The following RNF168 variants were observed in gnomAD, a reference collection of about 807,000 sequenced individuals.
RNF168 encodes ring finger protein 168.
In RNF168, 34 loss-of-function variants were observed where a neutral mutation model predicts 34.9. The observed-to-expected ratio is 0.97, with a 90% CI of 0.74 to 1.30. The LOEUF (loss-of-function observed/expected upper bound fraction) is 1.30, where lower values mean the gene tolerates loss of function less well. Ranked by LOEUF, RNF168 falls within the 50% of genes most tolerant of loss-of-function variation. The pLI is 0.00. For missense variants in RNF168, 725 were observed against 682.5 expected (o/e 1.06, Z -0.69); for synonymous variants, 264 against 254.7 (o/e 1.04, Z -0.35).
chr3:196,491,912 C>T (rs984063970), intron 1 of RNF168, among the ~76,000 whole-genome samples: 4 of 152,126 alleles, frequency 2.6e-5, no homozygotes, highest in African/African-American at 7.2e-5. Flanking sequence ...GGGTTCCACT[C>T]GTACGAGACA....
intron 1 of RNF168, among the ~76,000 whole-genome samples, chr3:196,491,933 T>C (rs1256534942): frequency 1.3e-5 from 2 of 152,004 alleles, no homozygotes; most frequent in Admixed American, 6.6e-5. Context: ...CCTAGAGCAA[T>C]TAAACCCGTA....
chr3:196,471,867 G>A lies in RNF168; in HGVS notation c.1668C>T (p.Ser556=), dbSNP rs1732015117. The A allele has an allele frequency of 1.1e-5, 18 of 1,613,950 alleles. No homozygotes were observed. Among genetic ancestry groups the A allele is most frequent in the Middle Eastern group, 1.6e-4 (1 of 6,062 alleles). ...TCTGAAAAACACTTTTCTGTGAAAT[G>A]CTAGGCTGTAGGGAGTGAGCACTTT... ...VSKSAHSLQP[S]ISQKSVFQMF... is the part of the protein sequence containing the mutation. Residue 556 remains serine (S), a synonymous_variant, in exon 6 of 6, where the codon AGC becomes AGT. Coordinates refer to ENST00000318037, the MANE Select transcript of RNF168 (RefSeq NM_152617.4).
intron 4 of RNF168, among the ~76,000 whole-genome samples, chr3:196,483,344 A>T (rs190180527): frequency 6.6e-6 from 1 of 152,248 alleles, no homozygotes; most frequent in Admixed American, 6.5e-5. Flanking sequence ...CTGGCACCTG[A>T]CCCTGGAGGG....
intron 1 of RNF168, among the ~76,000 whole-genome samples, chr3:196,490,668 T>C (rs1325530796): frequency 6.6e-6 from 1 of 151,458 alleles, no homozygotes; most frequent in Non-Finnish European, 1.5e-5. Flanking sequence ...ACTTAAATAG[T>C]GGCATTGGAT....
Position 196,470,187 on chromosome 3 carries a change from C to G in RNF168, c.*1632G>C, listed in dbSNP as rs1323538743. On this transcript the variant is annotated 3_prime_UTR_variant, in exon 6 of 6. Transcript: ENST00000318037. ...CATCCTCATCTGGACCCATTTCTCACCACCCAATCAGTTTCAATGATCCAG... is the reference window on the plus strand; with the variant it reads ...CATCCTCATCTGGACCCATTTCTCAGCACCCAATCAGTTTCAATGATCCAG... 2 of 151,284 alleles carry G rather than the reference C, an allele frequency of 1.3e-5. No individual in the cohort carries two copies. Among genetic ancestry groups the G allele is most frequent in the South Asian group, 2.1e-4 (1 of 4,790 alleles). The allele number at this position is 151,284 out of a possible 1,614,324, so 9.4% of individuals were successfully genotyped here.
intron 1 of RNF168, among the ~76,000 whole-genome samples, chr3:196,494,040 G>A (rs557977471): frequency 4.8e-4 from 72 of 151,448 alleles, no homozygotes; most frequent in African/African-American, 1.7e-3. Flanking sequence ...TTTTGTAGAC[G>A]GTTTTGCCCT....
In RNF168 at chr3:196,488,581, A is replaced by T. The variant is rs781135811; in HGVS notation, c.378+26T>A. 104 of 149,198 alleles carry T rather than the reference A, an allele frequency of 7.0e-4. 1 individual carries two copies. The highest frequency in any genetic ancestry group is 2.4e-3 in the Middle Eastern group (1 of 412). The allele number at this position is 149,198 out of a possible 1,614,324, so 9.2% of individuals were successfully genotyped here. ...TAAAAACACAGCAGAGAAATATTCC[A>T]AAAAAAAAAACTATTTAGCACCTAC... On this transcript the variant is annotated intron_variant, in intron 2 of 5. Coordinates refer to ENST00000318037, the MANE Select transcript of RNF168 (RefSeq NM_152617.4).
rs1560279301 is a variant in RNF168, at chr3:196,502,957, TGAC to T, written c.214_216del (p.Val72del). ...TGAATTATCGTCCACAGTTCCACGT[TGAC>T]GAGAGAATTTCTTCGGGTATGGTAC... On this transcript the variant is annotated inframe_deletion, in exon 1 of 6. Coordinates refer to ENST00000318037, the MANE Select transcript of RNF168 (RefSeq NM_152617.4). The T allele has an allele frequency of 6.2e-6, 10 of 1,613,792 alleles. No individual in the cohort carries two copies. Among genetic ancestry groups the T allele is most frequent in the Non-Finnish European group, 8.5e-6 (10 of 1,179,710 alleles).
intron 1 of RNF168, among the ~76,000 whole-genome samples, chr3:196,493,855 ATTT>A (rs376320330): frequency 7.8e-6 from 1 of 128,170 alleles, no homozygotes. Flanking sequence ...TTTTAAATTT[ATTT>A]TTTTTTTTTT....
At chr3:196,498,299 G>A (rs748173532) in intron 1 of RNF168, among the ~76,000 whole-genome samples, 1 of 152,038 alleles carries the variant, frequency 6.6e-6, no homozygotes, top group Non-Finnish European at 1.5e-5. Context: ...TGGTATTACA[G>A]GTGCCCGCCA....
intron 1 of RNF168, among the ~76,000 whole-genome samples, chr3:196,501,340 G>A (rs530835529): frequency 2.3e-4 from 35 of 152,228 alleles, no homozygotes; most frequent in African/African-American, 8.2e-4. Context: ...CCAGCCAATG[G>A]ATAAACAAAA....
chr3:196,484,406 C>T (rs1732373138), intron 3 of RNF168, among the ~76,000 whole-genome samples: 2 of 150,250 alleles, frequency 1.3e-5, no homozygotes, highest in East Asian at 2.0e-4. Flanking sequence ...GATTTCCTGA[C>T]CTCATGATCT....
intron 3 of RNF168, among the ~76,000 whole-genome samples, chr3:196,486,256 T>C (rs1207583619): frequency 6.6e-6 from 1 of 152,202 alleles, no homozygotes; most frequent in African/African-American, 2.4e-5. Context: ...TGTAGTAATA[T>C]GAAAAATCTC....
Position 196,475,235 on chromosome 3 carries a change from G to A in RNF168, c.758C>T (p.Ser253Phe). Residue 253 changes from serine (S) to phenylalanine (F), a missense_variant, in exon 5 of 6, where the codon TCT (serine) becomes TTT (phenylalanine). Transcript: ENST00000318037. ...ACATCTTCAGTATCAACATACCTTA[G>A]ATACGGAGTCTTTCCTGACTTCTTG... ...AVQEVRKDSV[S>F]KDIDSSDRKS... 1 of 1,575,488 alleles carries A rather than the reference G, an allele frequency of 6.3e-7. No individual in the cohort carries two copies. The highest frequency in any genetic ancestry group is 8.7e-7 in the Non-Finnish European group (1 of 1,144,792).
chr3:196,503,261 G>GT lies in RNF168; in HGVS notation c.-89dup, dbSNP rs912964072. On this transcript the variant is annotated 5_prime_UTR_variant, in exon 1 of 6. Transcript: ENST00000318037. ...GCCAACCACAGAGAGAGCAAAAGCA[G>GT]TTTTGTGTTTCAGTATTATGCCCAG... 8.4e-7 allele frequency: 1 copy of GT among 1,184,462 alleles called. No homozygotes were observed. Among genetic ancestry groups the GT allele is most frequent in the African/African-American group, 1.5e-5 (1 of 66,526 alleles). 73.4% of individuals were successfully genotyped at this position (1,184,462 alleles called of 1,614,324 possible). A position where few individuals can be genotyped will look rare whatever the true frequency, so the allele number is the denominator to read the frequency against.
rs757134336 is a variant in RNF168 at position 196,471,477 on chromosome 3, C to T, written c.*342G>A. 18 of 272,014 alleles carry T rather than the reference C, an allele frequency of 6.6e-5. No individual in the cohort carries two copies. The highest frequency in any genetic ancestry group is 5.8e-4 in the South Asian group (12 of 20,528). The allele number at this position is 272,014 out of a possible 1,614,324, so 16.9% of individuals were successfully genotyped here. A position where few individuals can be genotyped will look rare whatever the true frequency, so the allele number is the denominator to read the frequency against. ...ATAATCTTGCTTTGATTACCAGTCA[C>T]GACAAAAAGGTGAGCAAAGGCCATA... On this transcript the variant is annotated 3_prime_UTR_variant, in exon 6 of 6. Transcript: ENST00000318037.
chr3:196,487,570 T>C lies in RNF168; in HGVS notation c.387A>G (p.Ala129=). Residue 129 remains alanine, a synonymous_variant, in exon 3 of 6, where the codon GCA becomes GCG. Coordinates refer to ENST00000318037, the MANE Select transcript of RNF168 (RefSeq NM_152617.4). The part of the protein sequence containing the change: ...EYEEEISKVA[A]ERRASEEEEN... ...CTTCTTCCTCGCTGGCCCGTCGCTC[T>C]GCCGCCACCTTAAAAGTGATTAATA... The C allele has an allele frequency of 6.2e-7, 1 of 1,614,184 alleles. No homozygotes were observed. The highest frequency in any genetic ancestry group is 8.5e-7 in the Non-Finnish European group (1 of 1,180,000).
chr3:196,499,673 T>G (rs944139170), intron 1 of RNF168, among the ~76,000 whole-genome samples: 1 of 151,872 alleles, frequency 6.6e-6, no homozygotes, highest in Non-Finnish European at 1.5e-5. Flanking sequence ...ATACAAAAAT[T>G]AGTTGGGTGT....
intron 4 of RNF168, among the ~76,000 whole-genome samples, chr3:196,477,499 T>C (rs1732177250): frequency 6.6e-6 from 1 of 152,232 alleles, no homozygotes; most frequent in Admixed American, 6.5e-5. Flanking sequence ...TCAATCTATA[T>C]ATTTACTCTG....
Sources: allele counts gnomAD v4.1 joint callset (sites outside exome capture counted in the v4.1 genomes callset), GRCh38; gene constraint gnomAD v4.1.1; transcripts MANE v1.5; gene names NCBI Gene and HGNC (gene_info 2026-07-23, HGNC 2026-07-21).